The following HDGFL3 variants were observed in gnomAD, a reference collection of about 807,000 sequenced individuals.
HDGFL3 encodes the protein hepatoma-derived growth factor-related protein 3.
In HDGFL3, 6 loss-of-function variants were observed where a neutral mutation model predicts 27.6. That is an observed-to-expected ratio of 0.22 (90% CI 0.12 to 0.43). The LOEUF is 0.43. Among genes scored for constraint, HDGFL3 ranks in the 20% least tolerant of loss-of-function variants. The probability of loss-of-function intolerance (pLI) is 1.00; values close to 1 mark genes in which losing one functional copy is unlikely to be tolerated. For synonymous variants in HDGFL3, 88 were observed against 88.9 expected (o/e 0.99, Z 0.05); for missense variants, 207 against 250.1 (o/e 0.83, Z 1.16).
At chr15:83,157,234 G>C in intron 4 of HDGFL3, 181 bp downstream of exon 4, 1 of 636,986 alleles carries the variant, frequency 1.6e-6, no homozygotes, top group Non-Finnish European at 2.7e-6. Context: ...AGAGTCAATA[G>C]TCAGATTGCT....
At chr15:83,198,342 C>G (rs2037598037) in intron 1 of HDGFL3, among the ~76,000 whole-genome samples, 1 of 152,176 alleles carries the variant, frequency 6.6e-6, no homozygotes, top group Non-Finnish European at 1.5e-5. Context: ...ACGCATACAA[C>G]TCACAGAGAT....
At chr15:83,168,899 A>G (rs1354943265) in intron 1 of HDGFL3, among the ~76,000 whole-genome samples, 1 of 152,224 alleles carries the variant, frequency 6.6e-6, no homozygotes, top group African/African-American at 2.4e-5. Context: ...AACTGAATTC[A>G]ACAGCACATC....
downstream of HDGFL3, chr15:83,122,942 G>A: frequency 2.5e-6 from 4 of 1,586,580 alleles, 1 homozygote; most frequent in South Asian, 3.4e-5. Flanking sequence ...GCATCCACTG[G>A]CCACTGAATT....
chr15:83,119,658 G>A (rs1307276469), intron 3 of HDGFL3: 2 of 1,614,106 alleles, frequency 1.2e-6, no homozygotes, highest in African/African-American at 1.3e-5. Flanking sequence ...TGTACCTGGT[G>A]ATGGTGGCAG....
intron 1 of HDGFL3, among the ~76,000 whole-genome samples, chr15:83,167,487 G>A (rs984520583): frequency 6.6e-6 from 1 of 151,888 alleles, no homozygotes; most frequent in African/African-American, 2.4e-5. Flanking sequence ...GAGCCCAGGA[G>A]GCGGAGATTG....
chr15:83,186,316 C>G (rs757791219), intron 1 of HDGFL3, among the ~76,000 whole-genome samples: 10 of 152,134 alleles, frequency 6.6e-5, no homozygotes, highest in Non-Finnish European at 1.3e-4. Context: ...CAGGAGATAC[C>G]AGACAAGTGT....
At chr15:83,197,389 T>A (rs895625819) in intron 1 of HDGFL3, among the ~76,000 whole-genome samples, 1 of 152,204 alleles carries the variant, frequency 6.6e-6, no homozygotes, top group Non-Finnish European at 1.5e-5. Context: ...TTTTCAGAAA[T>A]GTTTCTTTTA....
chr15:83,127,308 C>T (rs763616096), downstream of HDGFL3: 2 of 1,522,498 alleles, frequency 1.3e-6, no homozygotes, highest in East Asian at 2.5e-5. Context: ...TTTAGTCAGG[C>T]CAAGTTAACT....
At chr15:83,194,947 A>G (rs1330662754) in intron 1 of HDGFL3, among the ~76,000 whole-genome samples, 1 of 152,214 alleles carries the variant, frequency 6.6e-6, no homozygotes, top group Non-Finnish European at 1.5e-5. Flanking sequence ...GGAAGGAAAA[A>G]GCAATAGAAC....
At chr15:83,164,687 T>TA (rs892969926) in intron 1 of HDGFL3, among the ~76,000 whole-genome samples, 2 of 152,184 alleles carry the variant, frequency 1.3e-5, no homozygotes, top group East Asian at 1.9e-4. Context: ...TATGGAGCTT[T>TA]AAAAAAATAA....
intron 1 of HDGFL3, among the ~76,000 whole-genome samples, chr15:83,199,099 C>T (rs1382955785): frequency 6.6e-6 from 1 of 152,034 alleles, no homozygotes. Context: ...AAATTATTGA[C>T]TTCATCATCA....
chr15:83,177,703 C>T (rs2037330562), intron 1 of HDGFL3, among the ~76,000 whole-genome samples: 1 of 151,972 alleles, frequency 6.6e-6, no homozygotes, highest in Non-Finnish European at 1.5e-5. Context: ...GTGTGTGTAT[C>T]TGCTTTTAAT....
At chr15:83,191,645 C>T (rs1029551338) in intron 1 of HDGFL3, among the ~76,000 whole-genome samples, 3 of 152,152 alleles carry the variant, frequency 2.0e-5, no homozygotes, top group African/African-American at 7.2e-5. Context: ...CAATTTCCAA[C>T]TATGTCTGTT....
rs371181886 is a variant in HDGFL3, at chr15:83,153,525, T to A, written c.460-2164A>T. On this transcript the variant is annotated intron_variant, in intron 4 of 5. Transcript: ENST00000299633. ...GAAGAAATCTGGTTGCCAAGCTCTA[T>A]TTGGTAATCTTGAAAAGCTTTTCAG... Among the ~76,000 whole-genome samples, 5 of 152,316 alleles carry A rather than the reference T, an allele frequency of 3.3e-5. No individual in the cohort carries two copies. The East Asian group carries it at 9.6e-4, about 29-fold the overall frequency.
chr15:83,149,570 G>A (rs769353134), intron 5 of HDGFL3, among the ~76,000 whole-genome samples: 8 of 152,144 alleles, frequency 5.3e-5, no homozygotes, highest in Non-Finnish European at 1.2e-4. Flanking sequence ...TTTTGCAGAG[G>A]TGAAAACGAA....
intron 1 of HDGFL3, among the ~76,000 whole-genome samples, chr15:83,206,556 T>A (rs931130309): frequency 1.3e-5 from 2 of 152,110 alleles, no homozygotes; most frequent in Non-Finnish European, 2.9e-5. Context: ...GACAACCTTG[T>A]TATGTAGGAA....
At chr15:83,164,098 C>A (rs1214215598) in intron 1 of HDGFL3, 23 bp from the exon 2 acceptor site, 2 of 1,454,918 alleles carry the variant, frequency 1.4e-6, no homozygotes, top group Non-Finnish European at 1.9e-6. Context: ...CATTTAGTTA[C>A]TGAGTGAGTG....
Position 83,137,261 on chromosome 15 carries a change from TTATCTC to T in HDGFL3, c.*2003_*2008del, listed in dbSNP as rs1217257790. On this transcript the variant is annotated 3_prime_UTR_variant, in exon 6 of 6. Coordinates refer to ENST00000299633, the MANE Select transcript of HDGFL3 (RefSeq NM_016073.4). ...AACAGCTAAATAGGGATCAGTAACTTTATCTCTATCCTTAATGAACATTTGTTTTAT... is the reference window on the plus strand; with the variant it reads ...AACAGCTAAATAGGGATCAGTAACTTTATCCTTAATGAACATTTGTTTTAT... 6.6e-6 allele frequency: 1 copy of T among 152,178 alleles called. No individual in the cohort carries two copies. Among genetic ancestry groups the T allele is most frequent in the Admixed American group, 6.5e-5 (1 of 15,280 alleles). The allele number at this position is 152,178 out of a possible 1,614,324, so 9.4% of individuals were successfully genotyped here.
chr15:83,168,317 T>A (rs1010438205), intron 1 of HDGFL3, among the ~76,000 whole-genome samples: 8 of 152,016 alleles, frequency 5.3e-5, no homozygotes, highest in African/African-American at 1.7e-4. Context: ...CAGAGTGGAA[T>A]TGAACGAAAT....
Sources: gnomAD v4.1 joint callset for allele counts (sites outside exome capture counted in the v4.1 genomes callset) on GRCh38, gnomAD v4.1.1 for gene constraint, MANE v1.5 for transcripts, NCBI Gene and HGNC (gene_info 2026-07-23, HGNC 2026-07-21) for gene names.